The following AP2B1 variants were observed in gnomAD, a reference collection of about 807,000 sequenced individuals.
AP2B1 encodes AP-2 complex subunit beta.
A neutral mutation model predicts 102.0 loss-of-function variants in AP2B1; 23 were observed. That is an observed-to-expected ratio of 0.23 (90% confidence interval 0.16 to 0.32). The LOEUF (loss-of-function observed/expected upper bound fraction) is 0.32, where lower values mean the gene tolerates loss of function less well. Among genes scored for constraint, AP2B1 ranks in the 10% least tolerant of loss-of-function variants. The pLI is 1.00. For synonymous variants in AP2B1, 381 were observed against 421.2 expected (o/e 0.90, Z 1.17); for missense variants, 541 against 1,157.4 (o/e 0.47, Z 7.73).
intron 1 of AP2B1, among the ~76,000 whole-genome samples, chr17:35,589,478 T>A (rs910761563): frequency 6.6e-6 from 1 of 152,214 alleles, no homozygotes; most frequent in African/African-American, 2.4e-5. Flanking sequence ...GGTATTAATC[T>A]TATTTTGCTG....
intron 19 of AP2B1, 47 bp downstream of exon 19, chr17:35,709,355 T>A (rs782536066): frequency 6.6e-7 from 1 of 1,514,768 alleles, no homozygotes; most frequent in Non-Finnish European, 9.2e-7. Context: ...TTGCCCTTCC[T>A]GTGCATGTCA....
Position 35,715,100 on chromosome 17 carries a change from A to G in AP2B1, c.2627-2095A>G, listed in dbSNP as rs909739362. ...AACTCAAACCTAATAACTAAAATGT[A>G]TAAAAATCGAATCACACATACTAAT... On this transcript the variant is annotated intron_variant, in intron 20 of 21. Transcript: ENST00000610402. Among the ~76,000 whole-genome samples the G allele has an allele frequency of 1.6e-4, 24 of 152,360 alleles. No individual in the cohort carries two copies. The East Asian group carries it at 1.7e-3, about 11-fold the overall frequency.
chr17:35,703,599 T>C (rs2076282480), intron 18 of AP2B1, among the ~76,000 whole-genome samples: 1 of 152,156 alleles, frequency 6.6e-6, no homozygotes, highest in African/African-American at 2.4e-5. Flanking sequence ...AAATACCACA[T>C]GTTCTGACTT....
intron 5 of AP2B1, among the ~76,000 whole-genome samples, chr17:35,616,366 C>CT (rs2074020871): frequency 6.6e-6 from 1 of 151,742 alleles, no homozygotes; most frequent in Non-Finnish European, 1.5e-5. Flanking sequence ...CGGGGGGTTT[C>CT]ACCGTGTTAG....
chr17:35,596,891 A>G (rs2073304355), intron 2 of AP2B1: 1 of 702,198 alleles, frequency 1.4e-6, no homozygotes, highest in Non-Finnish European at 2.7e-6. Context: ...TTCGTGATCC[A>G]TGTCACTCTG....
intron 10 of AP2B1, among the ~76,000 whole-genome samples, chr17:35,637,402 A>C (rs973370948): frequency 6.6e-6 from 1 of 151,546 alleles, no homozygotes; most frequent in African/African-American, 2.4e-5. Context: ...CCAGTCTCGA[A>C]CTCCTGACCT....
At chr17:35,664,629 T>G (rs146382230) in intron 14 of AP2B1, among the ~76,000 whole-genome samples, 1 of 152,328 alleles carries the variant, frequency 6.6e-6, no homozygotes, top group East Asian at 1.9e-4. Flanking sequence ...AATTTATATT[T>G]ACGAAACATT....
At chr17:35,670,628 C>T (rs1222657831) in intron 14 of AP2B1, among the ~76,000 whole-genome samples, 2 of 152,148 alleles carry the variant, frequency 1.3e-5, no homozygotes, top group East Asian at 1.9e-4. Flanking sequence ...GTCCCAGCTC[C>T]GTCTTCTTTA....
At chr17:35,629,754 G>A (rs1028584177) in intron 9 of AP2B1, among the ~76,000 whole-genome samples, 2 of 152,140 alleles carry the variant, frequency 1.3e-5, no homozygotes, top group Admixed American at 6.6e-5. Context: ...TTAGGGAAGG[G>A]GGTTTATCTT....
intron 17 of AP2B1, among the ~76,000 whole-genome samples, chr17:35,676,676 C>A (rs902266094): frequency 6.6e-6 from 1 of 152,168 alleles, no homozygotes; most frequent in African/African-American, 2.4e-5. Flanking sequence ...TCCAGATATT[C>A]CACATCCTCA....
intron 18 of AP2B1, among the ~76,000 whole-genome samples, chr17:35,702,166 A>G (rs950341872): frequency 2.0e-5 from 3 of 152,242 alleles, no homozygotes; most frequent in Non-Finnish European, 4.4e-5. Flanking sequence ...AATACATAGT[A>G]TATCAGATGG....
At chr17:35,632,672 T>TA (rs1567857938) in intron 9 of AP2B1, among the ~76,000 whole-genome samples, 3 of 152,162 alleles carry the variant, frequency 2.0e-5, no homozygotes, top group African/African-American at 7.2e-5. Flanking sequence ...TTTTTTTTTT[T>TA]AATCAAAAGC....
intron 9 of AP2B1, among the ~76,000 whole-genome samples, chr17:35,635,314 C>T (rs1598120088): frequency 6.6e-6 from 1 of 152,182 alleles, no homozygotes; most frequent in Non-Finnish European, 1.5e-5. Context: ...TCTCACCTCC[C>T]AAAGTGCTGG....
Position 35,626,873 on chromosome 17 carries a change from G to A in AP2B1, c.938+31G>A, listed in dbSNP as rs373704222. The A allele has an allele frequency of 1.0e-5, 16 of 1,590,978 alleles. No homozygotes were observed. The Admixed American group carries it at 2.3e-4, about 23-fold the overall frequency. ...GAAATAGCGAAGTGTTGATTAAAGT[G>A]TTTGTAATTTTGCATTAAGCTTAAT... On this transcript the variant is annotated intron_variant, in intron 7 of 21. Coordinates refer to ENST00000610402, the MANE Select transcript of AP2B1 (RefSeq NM_001030006.2).
At position 35,717,197 on chromosome 17, in the gene AP2B1, ACT is replaced by A; in HGVS notation, c.2630_2631del (p.Thr877SerfsTer32). ...QIKECHLNADTVSSKLQNNNV... is the reference protein window; with the variant it reads ...QIKECHLNADXVSSKLQNNNV... Reference sequence around the variant, plus strand: ...GGATTTTGAATCTGTATTTCTAGACACTGTTTCCAGCAAGTTGCAAAACAACA... The same window carrying A: ...GGATTTTGAATCTGTATTTCTAGACAGTTTCCAGCAAGTTGCAAAACAACA... On this transcript the variant is annotated frameshift_variant, in exon 21 of 22. Coordinates refer to ENST00000610402, the MANE Select transcript of AP2B1 (RefSeq NM_001030006.2). LOFTEE classifies it high-confidence loss of function. The A allele has an allele frequency of 6.2e-7, 1 of 1,613,704 alleles. No individual in the cohort carries two copies. Among genetic ancestry groups the A allele is most frequent in the Non-Finnish European group, 8.5e-7 (1 of 1,179,772 alleles).
At chr17:35,690,760 T>G (rs1010978784) in intron 18 of AP2B1, among the ~76,000 whole-genome samples, 1 of 152,242 alleles carries the variant, frequency 6.6e-6, no homozygotes, top group Non-Finnish European at 1.5e-5. Flanking sequence ...ATCTTTTTGT[T>G]AGTATCTCTA....
chr17:35,617,148 T>C (rs1027431302), intron 5 of AP2B1, among the ~76,000 whole-genome samples: 3 of 152,198 alleles, frequency 2.0e-5, no homozygotes, highest in Non-Finnish European at 4.4e-5. Context: ...CTCCATCTCC[T>C]GGGCTCAAAT....
At position 35,624,437 on chromosome 17, in the gene AP2B1, A is replaced by C; in HGVS notation, c.566A>C (p.Glu189Ala). Residue 189 changes from glutamate to alanine, a missense_variant, in exon 6 of 22, where the codon GAG becomes GCG. By Grantham distance (107) the Glu-to-Ala change is moderately radical. This residue lies in a region of AP2B1 where 134 missense variants were observed against 250.2 expected (regional missense o/e 0.54). Coordinates refer to ENST00000610402, the MANE Select transcript of AP2B1 (RefSeq NM_001030006.2). ...NAVAALSEISESHPNSNLLDL... is the reference protein window; with the variant it reads ...NAVAALSEISASHPNSNLLDL... ...GTAGCGGCATTATCTGAAATCAGTGAGTCTCACCCAAACAGCAACTTACTT... is the reference window on the plus strand; with the variant it reads ...GTAGCGGCATTATCTGAAATCAGTGCGTCTCACCCAAACAGCAACTTACTT... 6.2e-7 allele frequency: 1 copy of C among 1,614,172 alleles called. No homozygotes were observed. The highest frequency in any genetic ancestry group is 1.1e-5 in the South Asian group (1 of 91,080).
At chr17:35,651,851 G>C (rs1198801732) in intron 13 of AP2B1, among the ~76,000 whole-genome samples, 1 of 152,140 alleles carries the variant, frequency 6.6e-6, no homozygotes, top group Non-Finnish European at 1.5e-5. Flanking sequence ...TAGTAAGTTA[G>C]GGTGTTTCTC....
Sources: gnomAD v4.1 joint callset for allele counts (sites outside exome capture counted in the v4.1 genomes callset) on GRCh38, gnomAD v4.1.1 for gene constraint, gnomAD v4.1.1 regional missense constraint, MANE v1.5 for transcripts, NCBI Gene and HGNC (gene_info 2026-07-23, HGNC 2026-07-21) for gene names.